MAGI2: variants seen among roughly 807,000 people sequenced by gnomAD.
The protein encoded by MAGI2 is membrane associated guanylate kinase, WW and PDZ domain containing 2.
Under a neutral mutation model 133.3 loss-of-function variants are expected in MAGI2, and 35 were observed. The observed-to-expected ratio is 0.26, with a 90% confidence interval of 0.20 to 0.35. The LOEUF (loss-of-function observed/expected upper bound fraction) is 0.35, where lower values mean the gene tolerates loss of function less well. MAGI2 is among the 10% of genes least tolerant of loss of function. The pLI is 1.00. For missense variants in MAGI2, 1,636 were observed against 1,863.4 expected (o/e 0.88, Z 2.25); for synonymous variants, 729 against 710.6 (o/e 1.03, Z -0.41).
intron 3 of MAGI2, among the ~76,000 whole-genome samples, chr7:78,600,464 GAAGT>G (rs1271540890): frequency 2.6e-5 from 4 of 152,234 alleles, no homozygotes; most frequent in African/African-American, 4.8e-5. Context: ...TTAACAGATT[GAAGT>G]AAGAAGGGGA....
At chr7:78,061,409 TACACACACACACACACAC>T (rs59531463) in intron 21 of MAGI2, among the ~76,000 whole-genome samples, 21,188 of 139,710 alleles carry the variant, frequency 0.15, 1,713 homozygotes, top group Middle Eastern at 0.2. Flanking sequence ...GGACTGGTTG[TACACACACACACACACAC>T]ACACACACAC....
intron 18 of MAGI2, 102 bp from the exon 19 acceptor site, chr7:78,127,518 C>A: frequency 1.3e-6 from 1 of 754,756 alleles, no homozygotes; most frequent in Non-Finnish European, 2.2e-6. Context: ...ACAGCTCACA[C>A]AAACCACTCC....
At chr7:78,191,441 T>G (rs1828202162) in intron 12 of MAGI2, among the ~76,000 whole-genome samples, 2 of 152,226 alleles carry the variant, frequency 1.3e-5, no homozygotes, top group African/African-American at 4.8e-5. Context: ...CAGAAATCGT[T>G]TTTCTATGTG....
At position 78,612,722 on chromosome 7, in the gene MAGI2, T is replaced by C. The variant is rs200644955; in HGVS notation, c.538+14398A>G. On this transcript the variant is annotated intron_variant, in intron 3 of 21. Coordinates refer to ENST00000354212, the MANE Select transcript of MAGI2 (RefSeq NM_012301.4). ...TCTCGCTCTGTCGCCCAGGCCGGAG[T>C]GCAGTGGAGGGATCTCTGCTCAGTG... Among the ~76,000 whole-genome samples, 13 of 152,020 alleles carry C rather than the reference T, an allele frequency of 8.6e-5. No individual in the cohort carries two copies. In the East Asian group the frequency reaches 2.3e-3, roughly 27 times the overall value.
intron 8 of MAGI2, among the ~76,000 whole-genome samples, chr7:78,344,506 G>C (rs567456433): frequency 4.6e-5 from 7 of 152,282 alleles, no homozygotes; most frequent in African/African-American, 1.7e-4. Context: ...CAGAGAAACA[G>C]TGGAATGTGA....
chr7:79,227,931 A>G (rs1028797717), intron 1 of MAGI2, among the ~76,000 whole-genome samples: 1 of 152,168 alleles, frequency 6.6e-6, no homozygotes, highest in Admixed American at 6.5e-5. Flanking sequence ...CTATGAAATG[A>G]TATCATATTT....
At position 79,163,762 on chromosome 7, in the gene MAGI2, C is replaced by G. The variant is rs113408388; in HGVS notation, c.302-156556G>C. ...TACTGCCCTCTGATTTCACTTATAA[C>G]CTTCTTGGATGCCTAATCTTGACTA... On this transcript the variant is annotated intron_variant, in intron 1 of 21. Transcript: ENST00000354212. 6.0e-3 allele frequency among the ~76,000 whole-genome samples: 905 copies of G among 152,070 alleles called. 16 individuals carry two copies. The highest frequency in any genetic ancestry group is 0.021 in the African/African-American group (865 of 41,514).
chr7:78,385,289 AT>A (rs1795278223), intron 6 of MAGI2, among the ~76,000 whole-genome samples: 1 of 152,210 alleles, frequency 6.6e-6, no homozygotes, highest in Non-Finnish European at 1.5e-5. Flanking sequence ...GTGTTGTGGA[AT>A]TCTTTTAAAC....
chr7:79,227,218 T>G (rs1830935887), intron 1 of MAGI2, among the ~76,000 whole-genome samples: 1 of 152,142 alleles, frequency 6.6e-6, no homozygotes, highest in Non-Finnish European at 1.5e-5. Context: ...CTCAAAAAAG[T>G]TGAATTGGTC....
At chr7:78,973,908 G>A (rs546445898) in intron 2 of MAGI2, among the ~76,000 whole-genome samples, 5 of 151,796 alleles carry the variant, frequency 3.3e-5, no homozygotes, top group South Asian at 2.1e-4. Context: ...TCTAAGTTGC[G>A]CATCTGGAGT....
At chr7:79,047,091 G>A (rs1812243628) in intron 1 of MAGI2, among the ~76,000 whole-genome samples, 1 of 152,006 alleles carries the variant, frequency 6.6e-6, no homozygotes, top group Non-Finnish European at 1.5e-5. Flanking sequence ...TTTGGGAATA[G>A]GAATAAAATT....
intron 2 of MAGI2, among the ~76,000 whole-genome samples, chr7:78,989,794 C>T (rs771849992): frequency 2.6e-5 from 4 of 152,056 alleles, no homozygotes; most frequent in Non-Finnish European, 5.9e-5. Context: ...AGCCTACCCA[C>T]TATCCTTAGC....
chr7:78,399,581 G>A (rs901951682), intron 6 of MAGI2, among the ~76,000 whole-genome samples: 1 of 152,084 alleles, frequency 6.6e-6, no homozygotes, highest in Non-Finnish European at 1.5e-5. Context: ...GAGGTGGGTG[G>A]ATCACTTGTG....
rs538875200 is a variant in MAGI2 at position 78,784,762 on chromosome 7, A to G, written c.419-157523T>C. 7.6e-4 allele frequency among the ~76,000 whole-genome samples: 115 copies of G among 152,296 alleles called. 1 individual carries two copies. The South Asian group carries it at 0.023, about 30-fold the overall frequency. On this transcript the variant is annotated intron_variant, in intron 2 of 21. Transcript: ENST00000354212. ...CATAAAAATGGATAGTTTTCTCTGT[A>G]TATTTGGGTCTTTCTGATGGCTGCT...
chr7:78,090,032 C>A (rs565692759), intron 20 of MAGI2, among the ~76,000 whole-genome samples: 6 of 152,188 alleles, frequency 3.9e-5, no homozygotes, highest in African/African-American at 1.4e-4. Flanking sequence ...CTTCCTTCCT[C>A]GGCATTTTTG....
chr7:79,439,873 A>G (rs373754414), intron 1 of MAGI2, among the ~76,000 whole-genome samples: 1 of 152,088 alleles, frequency 6.6e-6, no homozygotes, highest in East Asian at 1.9e-4. Flanking sequence ...CCTTACTACT[A>G]AGCAAGTTTC....
chr7:78,641,549 T>C (rs1810311070), intron 2 of MAGI2, among the ~76,000 whole-genome samples: 1 of 152,212 alleles, frequency 6.6e-6, no homozygotes, highest in South Asian at 2.1e-4. Flanking sequence ...CTTTGTGTCT[T>C]CATGATCTTG....
At chr7:79,452,896 C>A in intron 1 of MAGI2, 124 bp downstream of exon 1, 2 of 1,094,910 alleles carry the variant, frequency 1.8e-6, no homozygotes, top group Non-Finnish European at 2.6e-6. Flanking sequence ...TGCGGGTGCT[C>A]TCTGGCCCCC....
chr7:78,182,801 G>A (rs1168301117), intron 13 of MAGI2, among the ~76,000 whole-genome samples: 2 of 152,188 alleles, frequency 1.3e-5, no homozygotes, highest in Admixed American at 1.3e-4. Context: ...AGTCGTTTCT[G>A]TGACACCCCA....
Sources: gnomAD v4.1 joint callset for allele counts (sites outside exome capture counted in the v4.1 genomes callset) on GRCh38, gnomAD v4.1.1 for gene constraint, MANE v1.5 for transcripts, NCBI Gene and HGNC (gene_info 2026-07-23, HGNC 2026-07-21) for gene names.